Variants in ACYP1 observed in about 807,000 individuals in gnomAD.
ACYP1 encodes acylphosphatase 1.
ACYP1 carries 8 observed loss-of-function variants against 10.4 expected under a neutral mutation model. That is an observed-to-expected ratio of 0.77 (90% CI 0.45 to 1.38). The LOEUF is 1.38. Ranked by LOEUF, ACYP1 falls within the 40% of genes most tolerant of loss-of-function variation. The probability of loss-of-function intolerance (pLI) is 0.00; values close to 1 mark genes in which losing one functional copy is unlikely to be tolerated. For synonymous variants in ACYP1, 38 were observed against 40.8 expected (o/e 0.93, Z 0.26); for missense variants, 93 against 117.3 (o/e 0.79, Z 0.96).
rs1266936350 is a variant in ACYP1, at chr14:75,053,287, A to G, written c.*157T>C. ...TTGATTAGATTTGTGTACAGTGGTA[A>G]TCCTTCCATCATACAGGTAATATAT... On this transcript the variant is annotated 3_prime_UTR_variant, in exon 3 of 3. Coordinates refer to ENST00000238618, the MANE Select transcript of ACYP1 (RefSeq NM_001107.5). 2 of 669,012 alleles carry G rather than the reference A, an allele frequency of 3.0e-6. No individual in the cohort carries two copies. Among genetic ancestry groups the G allele is most frequent in the African/African-American group, 3.6e-5 (2 of 55,192 alleles). The allele number at this position is 669,012 out of a possible 1,614,324, so 41.4% of individuals were successfully genotyped here. A position where few individuals can be genotyped will look rare whatever the true frequency, so the allele number is the denominator to read the frequency against.
chr14:75,063,710 G>A (rs1893087307), intron 1 of ACYP1, 149 bp from the exon 2 acceptor site: 1 of 729,958 alleles, frequency 1.4e-6, no homozygotes, highest in Non-Finnish European at 2.2e-6. Flanking sequence ...AAACGTGAGT[G>A]GATGTGATAA....
chr14:75,055,798 A>C (rs1892863448), intron 2 of ACYP1, among the ~76,000 whole-genome samples: 1 of 151,508 alleles, frequency 6.6e-6, no homozygotes, highest in African/African-American at 2.4e-5. Flanking sequence ...ATTAATGGAA[A>C]GCAGAAGAAT....
At chr14:75,063,422 CT>C (rs1893077939) in intron 2 of ACYP1, 47 bp downstream of exon 2, 3 of 1,507,794 alleles carry the variant, frequency 2.0e-6, no homozygotes, top group Non-Finnish European at 2.8e-6. Flanking sequence ...TCCCTTGTTC[CT>C]ATGCCCACAA....
chr14:75,060,280 A>G, intron 2 of ACYP1: 1 of 689,796 alleles, frequency 1.4e-6, no homozygotes, highest in Non-Finnish European at 2.6e-6. Flanking sequence ...CAAACAAACA[A>G]CCACAATGAA....
At chr14:75,065,381 G>A (rs992843786), upstream of ACYP1, among the ~76,000 whole-genome samples, 3 of 152,228 alleles carry the variant, frequency 2.0e-5, no homozygotes, top group African/African-American at 7.2e-5. Context: ...CCATATCCTA[G>A]AGAATCATAC....
At chr14:75,067,509 G>A (rs922503370), upstream of ACYP1, among the ~76,000 whole-genome samples, 6 of 152,164 alleles carry the variant, frequency 3.9e-5, no homozygotes, top group African/African-American at 7.2e-5. Flanking sequence ...GGACAATGAC[G>A]GGGAGATGAG....
intron 2 of ACYP1, 91 bp from the exon 3 acceptor site, chr14:75,053,750 A>C (rs1892807139): frequency 1.7e-6 from 2 of 1,210,246 alleles, no homozygotes; most frequent in Admixed American, 2.0e-5. Context: ...GCCTAGAATC[A>C]AGCCACTGAA....
At chr14:75,069,251 A>T in exon 1 of ACYP1, 11 of 1,495,992 alleles carry the variant, frequency 7.4e-6, no homozygotes, top group Non-Finnish European at 9.7e-6. Context: ...GAGAAAGGCC[A>T]GCAGCAGCCC....
upstream of ACYP1, among the ~76,000 whole-genome samples, chr14:75,068,993 C>A (rs958845511): frequency 2.0e-5 from 3 of 152,218 alleles, no homozygotes; most frequent in Non-Finnish European, 1.5e-5. Context: ...TATTTTCGAT[C>A]TGGTAGTTAA....
chr14:75,061,883 C>T (rs1441555331), intron 2 of ACYP1: 18 of 549,462 alleles, frequency 3.3e-5, no homozygotes, highest in Non-Finnish European at 5.5e-5. Flanking sequence ...GGGCGGATCA[C>T]CTGAGGTTGG....
intron 2 of ACYP1, 123 bp downstream of exon 2, chr14:75,063,347 C>A: frequency 1.3e-6 from 1 of 744,330 alleles, no homozygotes; most frequent in Non-Finnish European, 2.4e-6. Context: ...GCTCTACAAA[C>A]TACCTCTTTG....
At chr14:75,062,626 C>CAAGATGGTGA (rs1396247522) in intron 2 of ACYP1, among the ~76,000 whole-genome samples, 3 of 109,474 alleles carry the variant, frequency 2.7e-5, no homozygotes, top group Non-Finnish European at 5.2e-5. Context: ...CCAGCCTGGC[C>CAAGATGGTGA]AAGATGGTGA....
Position 75,053,565 on chromosome 14 carries a change from C to T in ACYP1, c.179G>A (p.Arg60His), listed in dbSNP as rs567461270. The change falls in exon 3 of 3, where the codon CGT (arginine) becomes CAT (histidine). Residue 60 changes from arginine (R) to histidine (H), a missense_variant. Coordinates refer to ENST00000238618, the MANE Select transcript of ACYP1 (RefSeq NM_001107.5). ...TGTTTCAAGCCATTCCTGCATATGA[C>T]GCACCTTGGAGATGGGACCTTGCAA... ...GQLQGPISKV[R>H]HMQEWLETRG... 26 of 1,614,126 alleles carry T rather than the reference C, an allele frequency of 1.6e-5. No homozygotes were observed. Among genetic ancestry groups the T allele is most frequent in the East Asian group, 6.7e-5 (3 of 44,886 alleles).
intron 2 of ACYP1, among the ~76,000 whole-genome samples, chr14:75,057,339 G>T (rs1451961246): frequency 6.6e-6 from 1 of 151,386 alleles, no homozygotes; most frequent in Non-Finnish European, 1.5e-5. Flanking sequence ...ATTCTTGAAA[G>T]AAATTAAAGA....
chr14:75,067,226 C>CAT (rs370914503), upstream of ACYP1, among the ~76,000 whole-genome samples: 424 of 142,840 alleles, frequency 3.0e-3, 4 homozygotes, highest in Middle Eastern at 7.1e-3. Flanking sequence ...CACACACACA[C>CAT]ATATATATGA....
upstream of ACYP1, among the ~76,000 whole-genome samples, chr14:75,067,598 G>A (rs1893164631): frequency 6.6e-6 from 1 of 152,188 alleles, no homozygotes; most frequent in Admixed American, 6.5e-5. Context: ...ACTGTAATAT[G>A]AAAGTTAGGT....
chr14:75,060,933 G>A (rs540974207), intron 2 of ACYP1, among the ~76,000 whole-genome samples: 1 of 152,096 alleles, frequency 6.6e-6, no homozygotes, highest in African/African-American at 2.4e-5. Flanking sequence ...TGGGCATGGT[G>A]GTGCATGCCT....
chr14:75,064,182 T>G (rs1231547242), upstream of ACYP1: 1 of 248,356 alleles, frequency 4.0e-6, no homozygotes, highest in African/African-American at 2.3e-5. Flanking sequence ...AAGCTTTGGG[T>G]TGGGGATCTG....
At position 75,058,688 on chromosome 14, in the gene ACYP1, TGA is replaced by T. The variant is rs537439026; in HGVS notation, c.84+4780_84+4781del. Among the ~76,000 whole-genome samples, 256 of 151,446 alleles carry T rather than the reference TGA, an allele frequency of 1.7e-3. 7 individuals are homozygous for T. The highest frequency in any genetic ancestry group is 0.01 in the Middle Eastern group (3 of 292). ...GACATATAGATGAATGGAATAGTAT[TGA>T]GAGTCCAGAAATAAATCCTTACATT... On this transcript the variant is annotated intron_variant, in intron 2 of 2. Coordinates refer to ENST00000238618, the MANE Select transcript of ACYP1 (RefSeq NM_001107.5).
Sources: allele counts gnomAD v4.1 joint callset (sites outside exome capture counted in the v4.1 genomes callset), GRCh38; gene constraint gnomAD v4.1.1; transcripts MANE v1.5; gene names NCBI Gene and HGNC (gene_info 2026-07-23, HGNC 2026-07-21).